The following SSH2 variants were observed in gnomAD, a reference collection of about 807,000 sequenced individuals.
SSH2 encodes protein phosphatase Slingshot homolog 2.
SSH2 carries 37 observed loss-of-function variants against 135.2 expected under a neutral mutation model. The ratio of observed to expected loss-of-function variants is 0.27; its 90% CI spans 0.21 to 0.36. SSH2 has a LOEUF of 0.36. Ranked by LOEUF, SSH2 falls within the 10% of genes least tolerant of loss-of-function variation. The pLI is 1.00. For missense variants in SSH2, 1,408 were observed against 1,765.3 expected (o/e 0.80, Z 3.63); for synonymous variants, 628 against 646.2 (o/e 0.97, Z 0.43).
At chr17:29,757,505 C>T (rs181380424) in intron 3 of SSH2, among the ~76,000 whole-genome samples, 14 of 151,926 alleles carry the variant, frequency 9.2e-5, no homozygotes, top group Non-Finnish European at 1.5e-4. Flanking sequence ...ATAAGCTGTG[C>T]AGCACTATAA....
intron 9 of SSH2, among the ~76,000 whole-genome samples, chr17:29,670,014 T>A (rs535840260): frequency 7.8e-4 from 118 of 152,018 alleles, no homozygotes; most frequent in African/African-American, 2.8e-3. Context: ...CCTGAGTAGC[T>A]GGGATTACAG....
At chr17:29,633,029 T>G in intron 15 of SSH2, 98 bp from the exon 16 acceptor site, 1 of 1,103,866 alleles carries the variant, frequency 9.1e-7, no homozygotes, top group Non-Finnish European at 1.3e-6. Context: ...GGACAACCTA[T>G]CTGACTAAGA....
chr17:29,778,356 C>T (rs923942512), intron 3 of SSH2, among the ~76,000 whole-genome samples: 1 of 152,084 alleles, frequency 6.6e-6, no homozygotes, highest in Non-Finnish European at 1.5e-5. Context: ...GTCATGTAGC[C>T]TGGATGGGCG....
At chr17:29,728,878 C>T (rs1225203547) in intron 3 of SSH2, among the ~76,000 whole-genome samples, 1 of 152,144 alleles carries the variant, frequency 6.6e-6, no homozygotes, top group Non-Finnish European at 1.5e-5. Flanking sequence ...CCATCTCTCG[C>T]CATATACAAA....
At chr17:29,728,269 A>G (rs929084671) in intron 3 of SSH2, among the ~76,000 whole-genome samples, 4 of 152,244 alleles carry the variant, frequency 2.6e-5, no homozygotes, top group African/African-American at 9.6e-5. Context: ...AACAGCAAAC[A>G]ATCTGAAAAC....
At chr17:29,707,194 T>C (rs927301845) in intron 3 of SSH2, 3 of 151,874 alleles carry the variant, frequency 2.0e-5, no homozygotes, top group African/African-American at 7.3e-5. Context: ...AGTTCAGCAA[T>C]ACTGTTTTTT....
chr17:29,663,866 T>C (rs1301648624), intron 11 of SSH2, among the ~76,000 whole-genome samples: 3 of 152,226 alleles, frequency 2.0e-5, no homozygotes. Context: ...AATAATGTGC[T>C]GTAACAAATG....
At position 29,632,462 on chromosome 17, in the gene SSH2, T is replaced by G; in HGVS notation, c.2732A>C (p.His911Pro). ...TGAGGTACATGTTGGGGCAGCACCATGATGCTCTTGCTCCTGCCGTAAGCG... is the reference window on the plus strand; with the variant it reads ...TGAGGTACATGTTGGGGCAGCACCAGGATGCTCTTGCTCCTGCCGTAAGCG... ...EERLRQEQEHHGAAPTCTSLS... is the reference protein window; with the variant it reads ...EERLRQEQEHPGAAPTCTSLS... The change falls in exon 16 of 16, where the codon CAT becomes CCT. Residue 911 changes from histidine (H) to proline (P), a missense_variant. By Grantham distance (77) the His-to-Pro change is moderately conservative (BLOSUM62 -2). Coordinates refer to ENST00000540801, the MANE Select transcript of SSH2 (RefSeq NM_001282129.2). The G allele has an allele frequency of 1.9e-6, 3 of 1,614,238 alleles. No individual in the cohort carries two copies. Among genetic ancestry groups the G allele is most frequent in the Non-Finnish European group, 2.5e-6 (3 of 1,180,040 alleles).
chr17:29,671,839 A>G, intron 9 of SSH2, 96 bp downstream of exon 9: 1 of 1,046,154 alleles, frequency 9.6e-7, no homozygotes, highest in Non-Finnish European at 1.4e-6. Context: ...GGTAAGATTA[A>G]CTCCCCAAGA....
intron 3 of SSH2, among the ~76,000 whole-genome samples, chr17:29,744,860 A>AGTGTGAGT (rs2040700995): frequency 7.1e-6 from 1 of 140,426 alleles, no homozygotes; most frequent in East Asian, 2.1e-4. Flanking sequence ...GGATTACTTG[A>AGTGTGAGT]GTGTGTGTGT....
chr17:29,636,692 G>T lies in SSH2; in HGVS notation c.1538C>A (p.Thr513Asn). 6.2e-7 allele frequency: 1 copy of T among 1,614,178 alleles called. No individual in the cohort carries two copies. Among genetic ancestry groups the T allele is most frequent in the Non-Finnish European group, 8.5e-7 (1 of 1,180,028 alleles). ...GLELNKKDIT[T>N]SADQIAEVKT... ...CACCTCAGCAATCTGGTCTGCTGAG[G>T]TGGTGATATCCTTCTTGTTGAGTTC... is the stretch of plus-strand genomic sequence containing the variant. Residue 513 changes from threonine (T) to asparagine (N), a missense_variant, in exon 15 of 16, where the codon ACC becomes AAC. This residue lies in a region of SSH2 where 1,080 missense variants were observed against 1,144.5 expected (regional missense o/e 0.94). Transcript: ENST00000540801.
chr17:29,915,217 T>G (rs887901562), intron 1 of SSH2, among the ~76,000 whole-genome samples: 107 of 152,360 alleles, frequency 7.0e-4, no homozygotes, highest in African/African-American at 2.5e-3. Flanking sequence ...GAACCAAAGA[T>G]CTCTTGTTAT....
At position 29,648,139 on chromosome 17, in the gene SSH2, C is replaced by T. The variant is rs2036452298; in HGVS notation, c.1427+5G>A. 1 of 1,613,336 alleles carries T rather than the reference C, an allele frequency of 6.2e-7. No individual in the cohort carries two copies. Among genetic ancestry groups the T allele is most frequent in the Non-Finnish European group, 8.5e-7 (1 of 1,179,994 alleles). On this transcript the variant is annotated splice_donor_5th_base_variant and intron_variant, in intron 14 of 15. Coordinates refer to ENST00000540801, the MANE Select transcript of SSH2 (RefSeq NM_001282129.2). Reference sequence around the variant, plus strand: ...AGGGAGAATTGGAGAAAGTCACTGACTCACCTTGCCAGCAAGATCCCCTGA... The same window carrying T: ...AGGGAGAATTGGAGAAAGTCACTGATTCACCTTGCCAGCAAGATCCCCTGA...
chr17:29,745,850 T>C (rs922406841), intron 3 of SSH2, among the ~76,000 whole-genome samples: 8 of 152,328 alleles, frequency 5.3e-5, no homozygotes, highest in South Asian at 2.1e-4. Flanking sequence ...GGTGATTATA[T>C]AATATGTTCA....
intron 6 of SSH2, among the ~76,000 whole-genome samples, chr17:29,683,379 A>G (rs1228845125): frequency 6.6e-6 from 1 of 152,216 alleles, no homozygotes; most frequent in Non-Finnish European, 1.5e-5. Context: ...ATAGAATGTA[A>G]AGTACAGCTA....
intron 3 of SSH2, among the ~76,000 whole-genome samples, chr17:29,727,875 G>A (rs545529275): frequency 6.6e-6 from 1 of 152,294 alleles, no homozygotes; most frequent in Admixed American, 6.5e-5. Flanking sequence ...TGGAAAGGAA[G>A]AAGTCAAATT....
intron 3 of SSH2, 111 bp from the exon 4 acceptor site, chr17:29,703,173 T>C (rs2151125747): frequency 1.4e-6 from 1 of 734,326 alleles, no homozygotes; most frequent in South Asian, 1.5e-5. Context: ...CCCAACTTCA[T>C]GGAACGAAGT....
At chr17:29,759,919 C>T (rs2041236807) in intron 3 of SSH2, among the ~76,000 whole-genome samples, 1 of 152,180 alleles carries the variant, frequency 6.6e-6, no homozygotes, top group Non-Finnish European at 1.5e-5. Flanking sequence ...CCATTAACTT[C>T]TTCACTCTAT....
chr17:29,828,264 C>T (rs1238348875), intron 2 of SSH2, among the ~76,000 whole-genome samples: 4 of 152,182 alleles, frequency 2.6e-5, no homozygotes, highest in Admixed American at 6.5e-5. Context: ...CACTTGGCAG[C>T]AAAACCCCCT....
Sources: allele counts gnomAD v4.1 joint callset (sites outside exome capture counted in the v4.1 genomes callset), GRCh38; gene constraint gnomAD v4.1.1; regional missense constraint gnomAD v4.1.1; transcripts MANE v1.5; gene names NCBI Gene and HGNC (gene_info 2026-07-23, HGNC 2026-07-21).